VPS37A: variants seen among roughly 807,000 people sequenced by gnomAD.
VPS37A encodes VPS37A subunit of ESCRT-I.
A neutral mutation model predicts 49.8 loss-of-function variants in VPS37A; 30 were observed. The observed-to-expected ratio is 0.60, with a 90% CI of 0.45 to 0.82. The LOEUF is 0.82. Ranked by LOEUF, VPS37A falls within the 40% of genes least tolerant of loss-of-function variation. VPS37A has a pLI of 0.00. For synonymous variants in VPS37A, 195 were observed against 160.6 expected (o/e 1.21, Z -1.62); for missense variants, 593 against 464.4 (o/e 1.28, Z -2.55).
In VPS37A at chr8:17,268,342, A is replaced by G; in HGVS notation, c.285A>G (p.Gly95=). 6.2e-7 allele frequency: 1 copy of G among 1,612,974 alleles called. No individual in the cohort carries two copies. Among genetic ancestry groups the G allele is most frequent in the Non-Finnish European group, 8.5e-7 (1 of 1,179,324 alleles). The stretch of plus-strand genomic sequence containing the variant: ...GACATCACTTAATGGATAAACAAGG[A>G]GTGTATGTTACCTCTCCATTAGTAA... ...PIRHHLMDKQ[G]VYVTSPLVNN... is the part of the protein sequence containing the mutation. Residue 95 remains glycine, a synonymous_variant, in exon 3 of 12, where the codon GGA becomes GGG. Coordinates refer to ENST00000324849, the MANE Select transcript of VPS37A (RefSeq NM_152415.3).
At chr8:17,317,356 C>T in the VPS37A span, among the ~76,000 whole-genome samples, 26 of 152,184 alleles carry the variant, frequency 1.7e-4, no homozygotes, top group African/African-American at 5.6e-4. Context: ...TTGTAGGCCC[C>T]GGCATGGAAT....
chr8:17,257,303 A>C (rs982453613), intron 1 of VPS37A, among the ~76,000 whole-genome samples: 2 of 151,998 alleles, frequency 1.3e-5, no homozygotes, highest in Non-Finnish European at 2.9e-5. Context: ...GTAGCATGTG[A>C]TTTGGTTACT....
Position 17,247,036 on chromosome 8 carries a change from G to A in VPS37A, c.-209G>A. 6.1e-6 allele frequency: 4 copies of A among 651,154 alleles called. No homozygotes were observed. Among genetic ancestry groups the A allele is most frequent in the African/African-American group, 1.8e-5 (1 of 54,652 alleles). The allele number at this position is 651,154 out of a possible 1,614,324, so 40.3% of individuals were successfully genotyped here. ...TGGGACCTCCTGTTCCGGGCCGCAA[G>A]TTTCCCTCTCCAGCCGCCCGCCGTT... On this transcript the variant is annotated 5_prime_UTR_variant, in exon 1 of 12. Transcript: ENST00000324849.
At chr8:17,267,391 C>CA (rs1194425049) in intron 2 of VPS37A, among the ~76,000 whole-genome samples, 1 of 152,014 alleles carries the variant, frequency 6.6e-6, no homozygotes, top group Non-Finnish European at 1.5e-5. Context: ...GTTTCATATC[C>CA]AGTAAACTCT....
the VPS37A span, among the ~76,000 whole-genome samples, chr8:17,322,555 C>T: frequency 1.3e-5 from 2 of 152,128 alleles, no homozygotes; most frequent in Admixed American, 6.5e-5. Context: ...CACATTGGGT[C>T]ATGCCTGTAA....
chr8:17,266,195 ATG>A (rs775806036), intron 2 of VPS37A, among the ~76,000 whole-genome samples: 78 of 152,328 alleles, frequency 5.1e-4, no homozygotes, highest in Non-Finnish European at 9.4e-4. Flanking sequence ...TGCAATAAAA[ATG>A]TGTAATACTA....
intron 5 of VPS37A, among the ~76,000 whole-genome samples, chr8:17,275,548 G>A (rs56101616): frequency 0.066 from 10,020 of 152,212 alleles, 456 homozygotes; most frequent in Non-Finnish European, 0.098. Context: ...ATGATCATGT[G>A]GGAGCAGCAG....
chr8:17,273,301 G>A (rs1586004540), intron 4 of VPS37A, among the ~76,000 whole-genome samples: 1 of 152,076 alleles, frequency 6.6e-6, no homozygotes, highest in East Asian at 1.9e-4. Flanking sequence ...TTATTTGTTG[G>A]ATAAATTCTA....
In VPS37A at chr8:17,295,336, A is replaced by C. The variant is rs1816541229; in HGVS notation, c.*350A>C. On this transcript the variant is annotated 3_prime_UTR_variant, in exon 12 of 12. Transcript: ENST00000324849. ...CATTTAAATTTGTATTTTTAACTTGAAGTTCCATTTCTTTATCAAGGATGG... is the reference window on the plus strand; with the variant it reads ...CATTTAAATTTGTATTTTTAACTTGCAGTTCCATTTCTTTATCAAGGATGG... 1 of 152,574 alleles carries C rather than the reference A, an allele frequency of 6.6e-6. No homozygotes were observed. Among genetic ancestry groups the C allele is most frequent in the East Asian group, 1.9e-4 (1 of 5,204 alleles). The allele number at this position is 152,574 out of a possible 1,614,324, so 9.5% of individuals were successfully genotyped here.
At chr8:17,331,519 G>A in the VPS37A span, among the ~76,000 whole-genome samples, 1 of 152,194 alleles carries the variant, frequency 6.6e-6, no homozygotes, top group African/African-American at 2.4e-5. Flanking sequence ...TAGCTGGAAA[G>A]CAGTCTACTG....
chr8:17,279,271 C>T (rs1814806141), intron 6 of VPS37A, among the ~76,000 whole-genome samples: 1 of 152,030 alleles, frequency 6.6e-6, no homozygotes. Flanking sequence ...TACATTTTGG[C>T]CAACACATCC....
chr8:17,273,427 C>T (rs1269449143), intron 4 of VPS37A, among the ~76,000 whole-genome samples: 8 of 152,104 alleles, frequency 5.3e-5, no homozygotes, highest in East Asian at 1.9e-4. Context: ...AGTGCAGTGG[C>T]GCAATCTCGG....
At chr8:17,320,059 T>A in the VPS37A span, among the ~76,000 whole-genome samples, 1 of 152,186 alleles carries the variant, frequency 6.6e-6, no homozygotes, top group Non-Finnish European at 1.5e-5. Flanking sequence ...ACTAGCTTTT[T>A]ATACTGATAA....
chr8:17,302,716 C>CCCG (rs1817206938), downstream of VPS37A, among the ~76,000 whole-genome samples: 1 of 79,270 alleles, frequency 1.3e-5, no homozygotes, highest in African/African-American at 3.9e-5. Context: ...CCCCCCCCCC[C>CCCG]GCTTTTTTTT....
chr8:17,273,527 C>T (rs1490503133), intron 4 of VPS37A, among the ~76,000 whole-genome samples: 2 of 152,078 alleles, frequency 1.3e-5, no homozygotes, highest in African/African-American at 4.8e-5. Context: ...CCACTACGCC[C>T]AGCTAATTTT....
intron 1 of VPS37A, among the ~76,000 whole-genome samples, chr8:17,261,326 ATTAC>A (rs1812941925): frequency 6.6e-6 from 1 of 152,162 alleles, no homozygotes; most frequent in African/African-American, 2.4e-5. Flanking sequence ...ATTGTTTATT[ATTAC>A]TTAAATCTCT....
intron 1 of VPS37A, chr8:17,248,266 T>TA (rs1811569493): frequency 3.1e-6 from 1 of 317,796 alleles, no homozygotes; most frequent in African/African-American, 2.2e-5. Context: ...AACCCCTTTT[T>TA]TTTTTTTTTT....
chr8:17,247,845 C>T, intron 1 of VPS37A: 2 of 686,348 alleles, frequency 2.9e-6, no homozygotes, highest in East Asian at 2.7e-5. Context: ...GTGAATGCTT[C>T]TCGTCTGAGA....
intron 4 of VPS37A, among the ~76,000 whole-genome samples, chr8:17,272,701 T>C (rs542401560): frequency 6.6e-6 from 1 of 152,288 alleles, no homozygotes; most frequent in African/African-American, 2.4e-5. Context: ...CACATACATA[T>C]CACTAATTCC....
Sources: gnomAD v4.1 joint callset for allele counts (sites outside exome capture counted in the v4.1 genomes callset) on GRCh38, gnomAD v4.1.1 for gene constraint, MANE v1.5 for transcripts, NCBI Gene and HGNC (gene_info 2026-07-23, HGNC 2026-07-21) for gene names.